ARL10: variants seen among roughly 807,000 people sequenced by gnomAD.
ARL10 encodes the protein ADP-ribosylation factor-like protein 10.
ARL10 carries 23 observed loss-of-function variants against 26.1 expected under a neutral mutation model. The observed-to-expected ratio is 0.88, with a 90% CI of 0.63 to 1.25. ARL10 has a LOEUF of 1.25. Among genes scored for constraint, ARL10 ranks in the 50% most tolerant of loss-of-function variants. The pLI is 0.00. For synonymous variants in ARL10, 138 were observed against 149.1 expected (o/e 0.93, Z 0.54); for missense variants, 300 against 323.6 (o/e 0.93, Z 0.56).
the ARL10 span, among the ~76,000 whole-genome samples, chr5:176,413,478 G>T: frequency 1.3e-5 from 2 of 152,238 alleles, no homozygotes; most frequent in Non-Finnish European, 2.9e-5. Context: ...GATCCAGCCA[G>T]AGAGGAGGGG....
At chr5:176,394,640 C>A (rs183942954) in intron 1 of ARL10, among the ~76,000 whole-genome samples, 3 of 129,150 alleles carry the variant, frequency 2.3e-5, no homozygotes, top group Non-Finnish European at 5.2e-5. Context: ...CGGTGAAACC[C>A]CGTCTCTACT....
intron 1 of ARL10, 76 bp downstream of exon 1, chr5:176,365,822 A>G (rs1768268330): frequency 4.1e-6 from 5 of 1,218,172 alleles, no homozygotes; most frequent in Non-Finnish European, 5.1e-6. Flanking sequence ...AAGGGGTGTG[A>G]CCACGGAACG....
At chr5:176,365,851 G>A (rs1703084232) in intron 1 of ARL10, 105 bp downstream of exon 1, 5 of 1,174,300 alleles carry the variant, frequency 4.3e-6, no homozygotes, top group Non-Finnish European at 1.1e-6. Context: ...GGTGCCGGGA[G>A]CTTGGGGGGT....
Position 176,373,309 on chromosome 5 carries a change from TGCTTGGCGATCAGCCCAATTGA to T in ARL10, c.*1415_*1436del, listed in dbSNP as rs1028862514. 1 of 351,452 alleles carries T rather than the reference TGCTTGGCGATCAGCCCAATTGA, an allele frequency of 2.8e-6. No homozygotes were observed. Among genetic ancestry groups the T allele is most frequent in the African/African-American group, 2.1e-5 (1 of 47,812 alleles). The allele number at this position is 351,452 out of a possible 1,614,324, so 21.8% of individuals were successfully genotyped here. A position where few individuals can be genotyped will look rare whatever the true frequency, so the allele number is the denominator to read the frequency against. On this transcript the variant is annotated 3_prime_UTR_variant, in exon 4 of 4. Transcript: ENST00000310389. ...CAGTGCACATTCCATAGTTCTCCAGTGCTTGGCGATCAGCCCAATTGAAGGACTGGCTCTGTACTGACACTTA... is the reference window on the plus strand; with the variant it reads ...CAGTGCACATTCCATAGTTCTCCAGTAGGACTGGCTCTGTACTGACACTTA...
intron 1 of ARL10, among the ~76,000 whole-genome samples, chr5:176,400,756 C>T (rs1338957778): frequency 6.6e-6 from 1 of 152,222 alleles, no homozygotes; most frequent in Non-Finnish European, 1.5e-5. Context: ...CGTTGTTTGA[C>T]ATCTTCTCCA....
chr5:176,369,075 G>A (rs754697372), intron 3 of ARL10, 93 bp downstream of exon 3: 1 of 1,552,866 alleles, frequency 6.4e-7, no homozygotes, highest in South Asian at 1.2e-5. Flanking sequence ...CCATGGCCTG[G>A]AGAGGGTGGC....
the ARL10 span, among the ~76,000 whole-genome samples, chr5:176,414,240 C>G: frequency 2.0e-5 from 3 of 152,136 alleles, no homozygotes; most frequent in Non-Finnish European, 2.9e-5. Flanking sequence ...GAGGTGTGGT[C>G]CAGTGAATAC....
In ARL10 at chr5:176,368,661, G is replaced by A; in HGVS notation, c.386-146G>A. 2.0e-6 allele frequency: 2 copies of A among 1,011,858 alleles called. No homozygotes were observed. Among genetic ancestry groups the A allele is most frequent in the South Asian group, 3.4e-5 (2 of 58,612 alleles). 62.7% of individuals were successfully genotyped at this position (1,011,858 alleles called of 1,614,324 possible). On this transcript the variant is annotated intron_variant, in intron 2 of 3. Transcript: ENST00000310389. The surrounding 1 kb of genome is among the most constrained non-coding windows in gnomAD (Gnocchi z 4.1). ...GGAAGCTCACTAAGCTAGAAGCAGG[G>A]TGGGGTGGGGGCTGTGGGCAGTGAG... is the stretch of plus-strand genomic sequence containing the variant.
At chr5:176,388,937 G>C (rs1162590497), downstream of ARL10, 20 of 1,614,174 alleles carry the variant, frequency 1.2e-5, no homozygotes, top group East Asian at 4.5e-4. Context: ...GGAAAAGTTC[G>C]TTCGCAAGAC....
At chr5:176,398,636 C>T (rs1283392700) in intron 1 of ARL10, among the ~76,000 whole-genome samples, 6 of 151,240 alleles carry the variant, frequency 4.0e-5, no homozygotes, top group Admixed American at 2.0e-4. Flanking sequence ...CACTTGAACC[C>T]GGGAGGCAGA....
At chr5:176,394,538 C>T (rs1404776412) in intron 1 of ARL10, among the ~76,000 whole-genome samples, 1 of 151,772 alleles carries the variant, frequency 6.6e-6, no homozygotes, top group African/African-American at 2.4e-5. Flanking sequence ...CTGGGTGTGG[C>T]CAGGCGCGGT....
In ARL10 at chr5:176,400,844, G is replaced by A. The variant is rs571618388; in HGVS notation, c.134-897G>A. Among the ~76,000 whole-genome samples, 15 of 152,312 alleles carry A rather than the reference G, an allele frequency of 9.8e-5. No homozygotes were observed. In the East Asian group the frequency reaches 2.1e-3, roughly 22 times the overall value. On this transcript the variant is annotated intron_variant, in intron 1 of 1. Transcript: ENST00000514533. ...GCCTGGCAGGTGCTCAGTAAGCAGT[G>A]GCTGAATGAGCAAAGACCCCTGGAG...
At chr5:176,394,611 G>A (rs1183743128) in intron 1 of ARL10, among the ~76,000 whole-genome samples, 17 of 151,030 alleles carry the variant, frequency 1.1e-4, no homozygotes, top group Admixed American at 1.1e-3. Context: ...AGGTCAGATG[G>A]AGAGCATCCT....
At chr5:176,405,024 A>G (rs1475976782), downstream of ARL10, among the ~76,000 whole-genome samples, 1 of 152,250 alleles carries the variant, frequency 6.6e-6, no homozygotes, top group South Asian at 2.1e-4. Flanking sequence ...AATGACAACC[A>G]ACATCACAGG....
chr5:176,401,609 C>G (rs1756820150), intron 1 of ARL10: 1 of 399,372 alleles, frequency 2.5e-6, no homozygotes. Context: ...CACATGGCAT[C>G]GAGACCTCAG....
At chr5:176,403,070 G>A (rs1477743130), downstream of ARL10, among the ~76,000 whole-genome samples, 1 of 139,684 alleles carries the variant, frequency 7.2e-6, no homozygotes, top group Non-Finnish European at 1.5e-5. Context: ...TTTTTTTTGA[G>A]GCGGAGTCTC....
At chr5:176,395,007 A>C (rs1354197042) in intron 1 of ARL10, among the ~76,000 whole-genome samples, 1 of 151,910 alleles carries the variant, frequency 6.6e-6, no homozygotes, top group Non-Finnish European at 1.5e-5. Context: ...CTTCTGGATC[A>C]AGTCTGAGCT....
the ARL10 span, among the ~76,000 whole-genome samples, chr5:176,410,096 G>A: frequency 1.3e-5 from 2 of 151,992 alleles, no homozygotes; most frequent in Non-Finnish European, 2.9e-5. Context: ...CCCTCTACAT[G>A]ACAAAAAAAA....
At chr5:176,400,001 G>C (rs1387037735) in intron 1 of ARL10, among the ~76,000 whole-genome samples, 1 of 152,118 alleles carries the variant, frequency 6.6e-6, no homozygotes, top group Non-Finnish European at 1.5e-5. Context: ...AGACCAGCCT[G>C]ACCAACATGG....
Sources: allele counts gnomAD v4.1 joint callset (sites outside exome capture counted in the v4.1 genomes callset), GRCh38; gene constraint gnomAD v4.1.1; non-coding constraint Gnocchi (gnomAD v3.1); transcripts MANE v1.5; gene names NCBI Gene and HGNC (gene_info 2026-07-23, HGNC 2026-07-21).